Variants in CALCOCO1 observed in about 807,000 individuals in gnomAD.
CALCOCO1 encodes calcium binding and coiled-coil domain 1.
In CALCOCO1, 44 loss-of-function variants were observed where a neutral mutation model predicts 86.3. The ratio of observed to expected loss-of-function variants is 0.51; its 90% confidence interval spans 0.40 to 0.66. The LOEUF (loss-of-function observed/expected upper bound fraction) is 0.66, where lower values mean the gene tolerates loss of function less well. Among genes scored for constraint, CALCOCO1 ranks in the 30% least tolerant of loss-of-function variants. CALCOCO1 has a pLI of 0.00. For missense variants in CALCOCO1, 708 were observed against 851.1 expected, an observed-to-expected ratio of 0.83 and a Z score of 2.09; for synonymous variants, 297 against 327.6, an observed-to-expected ratio of 0.91 and a Z score of 1.01.
chr12:53,715,400 C>A, intron 9 of CALCOCO1, 75 bp from the exon 10 acceptor site: 1 of 1,565,416 alleles, frequency 6.4e-7, no homozygotes, highest in South Asian at 1.1e-5. Context: ...ACAGCACCAT[C>A]CCTTACTGTG....
At chr12:53,712,452 G>A (rs906262411) in intron 14 of CALCOCO1, 2 of 268,896 alleles carry the variant, frequency 7.4e-6, no homozygotes, top group South Asian at 5.4e-5. Flanking sequence ...TGCTCCAGCC[G>A]AGAAGGATGA....
At chr12:53,719,514 A>C (rs1360402186) in intron 7 of CALCOCO1, among the ~76,000 whole-genome samples, 2 of 152,180 alleles carry the variant, frequency 1.3e-5, no homozygotes, top group African/African-American at 2.4e-5. Context: ...AGACAAAGTA[A>C]GACTCTGTCT....
chr12:53,714,607 C>T lies in CALCOCO1; in HGVS notation c.1473G>A (p.Glu491=), dbSNP rs758463673. The change falls in exon 11 of 15, where the codon GAG becomes GAA. Residue 491 remains glutamate, a synonymous_variant. Transcript: ENST00000550804. ...VLQKEKEQLQ[E]EKQELLEYMR... Reference sequence around the variant, plus strand: ...GGTTATGGGTGCTCACCTGTTTCTCCTCCTGTAACTGCTCCTTTTCCTTCT... The same window carrying T: ...GGTTATGGGTGCTCACCTGTTTCTCTTCCTGTAACTGCTCCTTTTCCTTCT... The T allele has an allele frequency of 1.1e-5, 18 of 1,613,812 alleles. No homozygotes were observed. Among genetic ancestry groups the T allele is most frequent in the Non-Finnish European group, 1.4e-5 (17 of 1,179,712 alleles).
chr12:53,717,893 C>T (rs1335664195), intron 7 of CALCOCO1, among the ~76,000 whole-genome samples: 3 of 152,050 alleles, frequency 2.0e-5, no homozygotes, highest in Non-Finnish European at 2.9e-5. Flanking sequence ...GGCGTGGTGG[C>T]GGGTGCCTGT....
chr12:53,710,472 T>C lies in CALCOCO1; in HGVS notation c.*1472A>G, dbSNP rs1945525197. 2 of 152,688 alleles carry C rather than the reference T, an allele frequency of 1.3e-5. No individual in the cohort carries two copies. Among genetic ancestry groups the C allele is most frequent in the South Asian group, 2.1e-4 (1 of 4,824 alleles). 9.5% of individuals were successfully genotyped at this position (152,688 alleles called of 1,614,324 possible). ...TGTAGGCATGTGCTTGTGCAGGCCATTGCTGAGAGCCTTGGTGAGCGTGCA... is the reference window on the plus strand; with the variant it reads ...TGTAGGCATGTGCTTGTGCAGGCCACTGCTGAGAGCCTTGGTGAGCGTGCA... On this transcript the variant is annotated 3_prime_UTR_variant, in exon 15 of 15. Coordinates refer to ENST00000550804, the MANE Select transcript of CALCOCO1 (RefSeq NM_020898.3).
chr12:53,721,851 T>C, intron 5 of CALCOCO1, 174 bp downstream of exon 5: 1 of 822,570 alleles, frequency 1.2e-6, no homozygotes, highest in Non-Finnish European at 1.9e-6. Flanking sequence ...GTTTGGAACA[T>C]GTCTCTTGTC....
intron 9 of CALCOCO1, 94 bp downstream of exon 9, chr12:53,715,699 T>C: frequency 6.6e-7 from 1 of 1,525,858 alleles, no homozygotes; most frequent in Non-Finnish European, 8.9e-7. Context: ...TCAACCCCTC[T>C]TCTCTCCTCC....
Position 53,722,062 on chromosome 12 carries a change from G to GCAGTTGC in CALCOCO1, c.565_571dup (p.Ala191GlyfsTer48). 1 of 1,613,632 alleles carries GCAGTTGC rather than the reference G, an allele frequency of 6.2e-7. No individual in the cohort carries two copies. The highest frequency in any genetic ancestry group is 1.1e-5 in the South Asian group (1 of 91,064). On this transcript the variant is annotated frameshift_variant, in exon 5 of 15. Coordinates refer to ENST00000550804, the MANE Select transcript of CALCOCO1 (RefSeq NM_020898.3). LOFTEE classifies it high-confidence loss of function. ...CATCAGCTCCGTGTGCTCCTGCCTG[G>GCAGTTGC]CAGTTGCCAGAGCCCTCTCGAGCTC...
intron 1 of CALCOCO1, 94 bp from the exon 2 acceptor site, chr12:53,725,360 C>T (rs1268559860): frequency 7.6e-6 from 6 of 786,024 alleles, no homozygotes; most frequent in South Asian, 4.0e-5. Context: ...CCTGCCACTA[C>T]ACCTGGAGAT....
chr12:53,725,564 G>A (rs949580406), intron 1 of CALCOCO1: 1 of 188,636 alleles, frequency 5.3e-6, no homozygotes, highest in Non-Finnish European at 1.1e-5. Context: ...GACGGGGACA[G>A]AGCCTGGGAT....
rs551055435 is a variant in CALCOCO1, at chr12:53,715,219, C to T, written c.1367G>A (p.Arg456Gln). ...CCTCACCAGGCTAGAATCCTTCTCC[C>T]GGGCCAGCTCAGTCTTGAACACTTG... ...QNQVFKTELA[R>Q]EKDSSLVQLS... The change falls in exon 10 of 15, where the codon CGG becomes CAG. Residue 456 changes from arginine (R) to glutamine (Q), a missense_variant. By Grantham distance (43) the Arg-to-Gln change is conservative. Transcript: ENST00000550804. 8.7e-6 allele frequency: 14 copies of T among 1,613,966 alleles called. No individual in the cohort carries two copies. Among genetic ancestry groups the T allele is most frequent in the African/African-American group, 4.0e-5 (3 of 74,904 alleles).
In CALCOCO1 at chr12:53,725,268, T is replaced by C; in HGVS notation, c.-24-2A>G. On this transcript the variant is annotated splice_acceptor_variant, in intron 1 of 14. Coordinates refer to ENST00000550804, the MANE Select transcript of CALCOCO1 (RefSeq NM_020898.3). LOFTEE classifies it low-confidence loss of function (5UTR_SPLICE). Reference sequence around the variant, plus strand: ...CCTGGCCTTGAGATATCTGTCCTCCTATGAAAGAAAGGGTTGATAGCCTAA... The same window carrying C: ...CCTGGCCTTGAGATATCTGTCCTCCCATGAAAGAAAGGGTTGATAGCCTAA... 6.4e-7 allele frequency: 1 copy of C among 1,551,316 alleles called. No homozygotes were observed. The highest frequency in any genetic ancestry group is 1.4e-5 in the African/African-American group (1 of 72,548).
chr12:53,715,077 G>T, intron 10 of CALCOCO1, 123 bp downstream of exon 10: 1 of 1,238,948 alleles, frequency 8.1e-7, no homozygotes, highest in Non-Finnish European at 1.1e-6. Flanking sequence ...GTGTGCAAGT[G>T]AAATGCCACC....
rs149625041 is a variant in CALCOCO1 at position 53,715,385 on chromosome 12, T to C, written c.1261-60A>G. The C allele has an allele frequency of 1.5e-4, 235 of 1,600,346 alleles. 3 individuals carry two copies. The East Asian group carries it at 3.1e-3, about 21-fold the overall frequency. On this transcript the variant is annotated intron_variant, in intron 9 of 14. Coordinates refer to ENST00000550804, the MANE Select transcript of CALCOCO1 (RefSeq NM_020898.3). The stretch of plus-strand genomic sequence containing the variant: ...GAGGGGGAAGAAAAAGGAACGCCAC[T>C]GTCAACAGCACCATCCCTTACTGTG...
Position 53,715,801 on chromosome 12 carries a change from T to C in CALCOCO1, c.1252A>G (p.Ser418Gly). The C allele has an allele frequency of 1.9e-6, 3 of 1,613,074 alleles. No individual in the cohort carries two copies. The highest frequency in any genetic ancestry group is 2.5e-6 in the Non-Finnish European group (3 of 1,179,998). The change falls in exon 9 of 15, where the codon AGT (serine) becomes GGT (glycine). Residue 418 changes from serine (S) to glycine (G), a missense_variant. Ser to Gly is a moderately conservative substitution (Grantham distance 56). Coordinates refer to ENST00000550804, the MANE Select transcript of CALCOCO1 (RefSeq NM_020898.3). The part of the protein sequence containing the change: ...WSKERAGLLQ[S>G]VEAEKDKILK... ...ACCCCCCATCCCTCTACCTCCACAC[T>C]CTGCAGCAGCCCTGCCCGCTCCTTG...
At chr12:53,714,544 A>T in intron 11 of CALCOCO1, 54 bp downstream of exon 11, 2 of 1,328,446 alleles carry the variant, frequency 1.5e-6, no homozygotes, top group Non-Finnish European at 1.1e-6. Context: ...CAAAGTTTCT[A>T]GCCCTCAAGT....
rs145779688 is a variant in CALCOCO1 at position 53,714,699 on chromosome 12, G to A, written c.1387-6C>T. On this transcript the variant is annotated splice_region_variant and splice_polypyrimidine_tract_variant and intron_variant, in intron 10 of 14. Coordinates refer to ENST00000550804, the MANE Select transcript of CALCOCO1 (RefSeq NM_020898.3). ...TTACTTTCTGACAACTGTACCTGAGGGAAGAGGGCCCAATGGAATCTGGAG... is the reference window on the plus strand; with the variant it reads ...TTACTTTCTGACAACTGTACCTGAGAGAAGAGGGCCCAATGGAATCTGGAG... 1.9e-4 allele frequency: 304 copies of A among 1,608,120 alleles called. No individual in the cohort carries two copies. In the African/African-American group the frequency reaches 3.6e-3, roughly 19 times the overall value.
chr12:53,713,063 C>A (rs1945614685), intron 14 of CALCOCO1, 37 bp downstream of exon 14: 1 of 1,572,568 alleles, frequency 6.4e-7, no homozygotes. Flanking sequence ...CTCTGACCTC[C>A]TCCCACCTCC....
intron 7 of CALCOCO1, among the ~76,000 whole-genome samples, chr12:53,718,675 C>T (rs1385917771): frequency 1.3e-5 from 2 of 152,178 alleles, no homozygotes; most frequent in East Asian, 3.9e-4. Context: ...ACTACAGGTG[C>T]ATGCCACCAT....
Sources: gnomAD v4.1 joint callset for allele counts (sites outside exome capture counted in the v4.1 genomes callset) on GRCh38, gnomAD v4.1.1 for gene constraint, MANE v1.5 for transcripts, NCBI Gene and HGNC (gene_info 2026-07-23, HGNC 2026-07-21) for gene names.